The following CDH12 variants were observed in gnomAD, a reference collection of about 807,000 sequenced individuals.
The protein encoded by CDH12 is cadherin 12.
In CDH12, 41 loss-of-function variants were observed where a neutral mutation model predicts 74.1. The ratio of observed to expected loss-of-function variants is 0.55; its 90% confidence interval spans 0.43 to 0.72. CDH12 has a LOEUF of 0.72. Among genes scored for constraint, CDH12 ranks in the 30% least tolerant of loss-of-function variants. The probability of loss-of-function intolerance (pLI) is 0.00; values close to 1 mark genes in which losing one functional copy is unlikely to be tolerated. For missense variants in CDH12, 945 were observed against 977.2 expected (o/e 0.97, Z 0.44); for synonymous variants, 399 against 355.0 (o/e 1.12, Z -1.39).
At chr5:22,201,089 A>G (rs1750900947) in intron 4 of CDH12, among the ~76,000 whole-genome samples, 1 of 152,210 alleles carries the variant, frequency 6.6e-6, no homozygotes, top group Admixed American at 6.5e-5. Flanking sequence ...GACAGCAAAC[A>G]TGAAATCTCA....
At chr5:22,573,241 A>G (rs1307378928) in intron 1 of CDH12, among the ~76,000 whole-genome samples, 4 of 152,094 alleles carry the variant, frequency 2.6e-5, no homozygotes, top group African/African-American at 9.7e-5. Flanking sequence ...TTTTTGCAAC[A>G]TTTTCCTCTT....
chr5:22,226,786 A>G (rs889853046), intron 3 of CDH12, among the ~76,000 whole-genome samples: 9 of 152,120 alleles, frequency 5.9e-5, no homozygotes, highest in Admixed American at 1.3e-4. Context: ...AATGTTTAGC[A>G]TAGTATCCAG....
chr5:22,530,989 C>A (rs978726484), intron 1 of CDH12, among the ~76,000 whole-genome samples: 1 of 152,008 alleles, frequency 6.6e-6, no homozygotes, highest in Non-Finnish European at 1.5e-5. Context: ...ACAGAACTTA[C>A]ATATTTCCTC....
At chr5:21,834,013 T>C (rs914744231) in intron 8 of CDH12, among the ~76,000 whole-genome samples, 1 of 151,978 alleles carries the variant, frequency 6.6e-6, no homozygotes, top group Non-Finnish European at 1.5e-5. Flanking sequence ...AAGCTGGTTT[T>C]ATAATGTATC....
intron 12 of CDH12, among the ~76,000 whole-genome samples, chr5:21,764,230 T>C (rs989873361): frequency 2.0e-5 from 3 of 151,774 alleles, no homozygotes; most frequent in Admixed American, 6.6e-5. Flanking sequence ...AAAAATTAGC[T>C]GGGCGTGGTT....
At chr5:22,534,217 C>T (rs1411758799) in intron 1 of CDH12, among the ~76,000 whole-genome samples, 1 of 151,368 alleles carries the variant, frequency 6.6e-6, no homozygotes, top group Non-Finnish European at 1.5e-5. Context: ...TTTTTATTTC[C>T]GTAGGTTATT....
At chr5:22,075,627 T>C (rs1416758192) in intron 5 of CDH12, among the ~76,000 whole-genome samples, 1 of 152,128 alleles carries the variant, frequency 6.6e-6, no homozygotes, top group Non-Finnish European at 1.5e-5. Flanking sequence ...TTATGTTATA[T>C]GTATTCTAAC....
chr5:22,759,214 A>C (rs1257925077), intron 1 of CDH12, among the ~76,000 whole-genome samples: 1 of 152,108 alleles, frequency 6.6e-6, no homozygotes, highest in Non-Finnish European at 1.5e-5. Flanking sequence ...AAAAACAAAA[A>C]AAAACTTAGA....
At chr5:22,224,330 C>T (rs1209938471) in intron 3 of CDH12, among the ~76,000 whole-genome samples, 1 of 151,972 alleles carries the variant, frequency 6.6e-6, no homozygotes, top group Non-Finnish European at 1.5e-5. Flanking sequence ...ATTTTACTGA[C>T]AAATTGAGGC....
chr5:21,922,811 A>G (rs1303466255), intron 6 of CDH12, among the ~76,000 whole-genome samples: 1 of 152,060 alleles, frequency 6.6e-6, no homozygotes, highest in Non-Finnish European at 1.5e-5. Flanking sequence ...GGATAATATT[A>G]CCTTTCTCTC....
In CDH12 at chr5:22,815,779, A is replaced by AT. The variant is rs1175515315; in HGVS notation, c.-523+37278_-523+37279insA. Reference sequence around the variant, plus strand: ...AAGGAGACTCCGTCTCAAAAAAAAAAAAAAAATAAATAAATAATAAAAATA... The same window carrying AT: ...AAGGAGACTCCGTCTCAAAAAAAAAATAAAAAATAAATAAATAATAAAAATA... On this transcript the variant is annotated intron_variant, in intron 1 of 14. Coordinates refer to ENST00000382254, the MANE Select transcript of CDH12 (RefSeq NM_004061.5). 3.3e-5 allele frequency among the ~76,000 whole-genome samples: 5 copies of AT among 149,788 alleles called. 1 individual carries two copies. The highest frequency in any genetic ancestry group is 7.4e-5 in the Non-Finnish European group (5 of 67,378).
intron 3 of CDH12, among the ~76,000 whole-genome samples, chr5:22,341,607 C>A (rs1355737437): frequency 6.6e-6 from 1 of 152,108 alleles, no homozygotes; most frequent in Non-Finnish European, 1.5e-5. Flanking sequence ...TCAGGCTGAG[C>A]TGTGATGGAG....
chr5:22,097,845 C>A (rs1743882153), intron 4 of CDH12, among the ~76,000 whole-genome samples: 1 of 152,146 alleles, frequency 6.6e-6, no homozygotes, highest in Non-Finnish European at 1.5e-5. Flanking sequence ...CCACAGCACG[C>A]TTTGAGAAGA....
intron 3 of CDH12, among the ~76,000 whole-genome samples, chr5:22,328,356 G>A (rs1042995352): frequency 3.3e-5 from 5 of 152,156 alleles, no homozygotes; most frequent in Non-Finnish European, 1.5e-5. Flanking sequence ...ACATATAAAG[G>A]AGGTGCTTAG....
At chr5:22,716,875 A>G (rs962811555) in intron 1 of CDH12, among the ~76,000 whole-genome samples, 1 of 152,150 alleles carries the variant, frequency 6.6e-6, no homozygotes, top group African/African-American at 2.4e-5. Flanking sequence ...AGATTATAGA[A>G]TAAGGATATA....
chr5:22,135,424 C>T (rs1005517366), intron 4 of CDH12, among the ~76,000 whole-genome samples: 7 of 151,708 alleles, frequency 4.6e-5, no homozygotes, highest in Admixed American at 6.6e-5. Context: ...AGGATCTAAG[C>T]GTATAACAGA....
intron 1 of CDH12, among the ~76,000 whole-genome samples, chr5:22,698,729 ATATATAGT>A (rs1561586095): frequency 1.3e-4 from 1 of 7,712 alleles, no homozygotes; most frequent in Admixed American, 2.4e-3. Context: ...ATATATATAT[ATATATAGT>A]GTGTGTGTGT....
intron 1 of CDH12, among the ~76,000 whole-genome samples, chr5:22,743,924 T>C (rs1745162172): frequency 6.6e-6 from 1 of 152,126 alleles, no homozygotes; most frequent in African/African-American, 2.4e-5. Flanking sequence ...TTAAGTCAGG[T>C]TTCTACTGTT....
chr5:22,280,637 T>C (rs1246682883), intron 3 of CDH12, among the ~76,000 whole-genome samples: 2 of 152,150 alleles, frequency 1.3e-5, no homozygotes, highest in Non-Finnish European at 2.9e-5. Flanking sequence ...AATTGATAAA[T>C]TCCTCGACAC....
Sources: gnomAD v4.1 joint callset for allele counts (sites outside exome capture counted in the v4.1 genomes callset) on GRCh38, gnomAD v4.1.1 for gene constraint, MANE v1.5 for transcripts, NCBI Gene and HGNC (gene_info 2026-07-23, HGNC 2026-07-21) for gene names.